LARP4B: variants seen among roughly 807,000 people sequenced by gnomAD.
The protein encoded by LARP4B is la-related protein 4B.
A neutral mutation model predicts 89.8 loss-of-function variants in LARP4B; 12 were observed. The ratio of observed to expected loss-of-function variants is 0.13; its 90% CI spans 0.09 to 0.22. The LOEUF (loss-of-function observed/expected upper bound fraction) is 0.22, where lower values mean the gene tolerates loss of function less well. LARP4B is among the 10% of genes least tolerant of loss of function. The pLI, the probability that LARP4B is intolerant of heterozygous loss-of-function variation, is 1.00. For synonymous variants in LARP4B, 367 were observed against 363.3 expected (o/e 1.01, Z -0.12); for missense variants, 757 against 947.7 (o/e 0.80, Z 2.64).
intron 8 of LARP4B, among the ~76,000 whole-genome samples, chr10:833,392 T>TA (rs1384674646): frequency 7.0e-6 from 1 of 143,582 alleles, no homozygotes; most frequent in African/African-American, 2.6e-5. Flanking sequence ...AAAGCACCAC[T>TA]AAAAAACAGA....
intron 5 of LARP4B, among the ~76,000 whole-genome samples, chr10:860,238 C>T (rs1022637844): frequency 5.9e-5 from 9 of 152,160 alleles, no homozygotes; most frequent in Non-Finnish European, 1.2e-4. Flanking sequence ...TGTTTGATAG[C>T]ATTAGTCCTT....
chr10:948,476 G>A, the LARP4B span, among the ~76,000 whole-genome samples: 1 of 152,206 alleles, frequency 6.6e-6, no homozygotes, highest in African/African-American at 2.4e-5. Context: ...TCGAACTCCT[G>A]ACCTTAGGTG....
At chr10:956,798 A>G in the LARP4B span, among the ~76,000 whole-genome samples, 5 of 152,190 alleles carry the variant, frequency 3.3e-5, no homozygotes, top group Non-Finnish European at 7.3e-5. This position sits in a 1 kb window ranked among gnomAD's most constrained non-coding sequence, Gnocchi z 4.3. Context: ...CCGAGAGGAA[A>G]GTCCCTCCAG....
At chr10:973,733 T>C in the LARP4B span, among the ~76,000 whole-genome samples, 1 of 152,296 alleles carries the variant, frequency 6.6e-6, no homozygotes, top group South Asian at 2.1e-4. Flanking sequence ...CATACAGTAT[T>C]GTCATTTGCA....
chr10:823,974 C>A (rs997700337), intron 13 of LARP4B, among the ~76,000 whole-genome samples: 1 of 152,168 alleles, frequency 6.6e-6, no homozygotes, highest in Non-Finnish European at 1.5e-5. Context: ...TCATTATGGG[C>A]AGGAATGAGA....
the LARP4B span, among the ~76,000 whole-genome samples, chr10:965,441 C>A: frequency 8.1e-4 from 123 of 152,268 alleles, no homozygotes; most frequent in African/African-American, 2.6e-3. Context: ...CGCTCCCCCC[C>A]GTTTCTCGGT....
At chr10:865,762 C>T (rs1834867559) in intron 3 of LARP4B, among the ~76,000 whole-genome samples, 1 of 152,210 alleles carries the variant, frequency 6.6e-6, no homozygotes, top group Non-Finnish European at 1.5e-5. Flanking sequence ...CAAACTTACA[C>T]ATGATTTGCC....
In LARP4B at chr10:863,762, C is replaced by T. The variant is rs61740529; in HGVS notation, c.411G>A (p.Leu137=). 65 of 1,609,914 alleles carry T rather than the reference C, an allele frequency of 4.0e-5. No homozygotes were observed. In the African/African-American group the frequency reaches 6.7e-4, roughly 17 times the overall value. Residue 137 remains leucine, a synonymous_variant, in exon 5 of 18, where the codon CTG becomes CTA. Transcript: ENST00000316157. ...LALGPSEYDS[L]PENSETGGNE... is the part of the protein sequence containing the mutation. ...GTTTACCTGTCTCGCTATTTTCAGGCAGAGAGTCATATTCTGAGGGACCCA... is the reference window on the plus strand; with the variant it reads ...GTTTACCTGTCTCGCTATTTTCAGGTAGAGAGTCATATTCTGAGGGACCCA...
At chr10:906,828 T>C (rs990677246) in intron 1 of LARP4B, among the ~76,000 whole-genome samples, 2 of 152,248 alleles carry the variant, frequency 1.3e-5, no homozygotes, top group African/African-American at 4.8e-5. Context: ...CTTTAACTTC[T>C]GCTCAAGTTT....
At chr10:930,886 G>A (rs569931707) in intron 1 of LARP4B, among the ~76,000 whole-genome samples, 2 of 151,542 alleles carry the variant, frequency 1.3e-5, no homozygotes, top group Admixed American at 6.6e-5. Flanking sequence ...CGGCGGGACC[G>A]AGGAGCGAGT....
intron 3 of LARP4B, among the ~76,000 whole-genome samples, chr10:882,694 A>G (rs990703047): frequency 1.3e-5 from 2 of 152,254 alleles, no homozygotes; most frequent in Non-Finnish European, 2.9e-5. Context: ...TTACTAGCTC[A>G]GTAAGCTTTT....
chr10:966,456 G>A, the LARP4B span, among the ~76,000 whole-genome samples: 4 of 152,154 alleles, frequency 2.6e-5, no homozygotes, highest in Non-Finnish European at 5.9e-5. Flanking sequence ...ACCCTGTCTC[G>A]ATAAACAGGA....
rs558910343 is a variant in LARP4B, at chr10:893,579, C to T, written c.-39-7819G>A. On this transcript the variant is annotated intron_variant, in intron 1 of 17. Coordinates refer to ENST00000316157, the MANE Select transcript of LARP4B (RefSeq NM_015155.3). ...GGACCTCATGCTGTACTTAGCTGTCCTTCCGTTGAGTCTCCTTTAAACTGC... is the reference window on the plus strand; with the variant it reads ...GGACCTCATGCTGTACTTAGCTGTCTTTCCGTTGAGTCTCCTTTAAACTGC... Among the ~76,000 whole-genome samples, 4 of 152,322 alleles carry T rather than the reference C, an allele frequency of 2.6e-5. No individual in the cohort carries two copies. In the South Asian group the frequency reaches 8.3e-4, roughly 32 times the overall value.
At chr10:940,006 C>T in the LARP4B span, among the ~76,000 whole-genome samples, 9 of 149,570 alleles carry the variant, frequency 6.0e-5, no homozygotes, top group South Asian at 2.1e-4. Flanking sequence ...CCACCACGCC[C>T]GGCTAATTTT....
chr10:951,355 C>G, the LARP4B span, among the ~76,000 whole-genome samples: 1 of 152,008 alleles, frequency 6.6e-6, no homozygotes, highest in Non-Finnish European at 1.5e-5. Flanking sequence ...TCGAGACCAG[C>G]CTGGCCAATA....
At chr10:915,956 T>C (rs755658464) in intron 1 of LARP4B, among the ~76,000 whole-genome samples, 1 of 152,198 alleles carries the variant, frequency 6.6e-6, no homozygotes, top group African/African-American at 2.4e-5. Flanking sequence ...TTTGACACAT[T>C]TCCCAAAATC....
At chr10:949,436 C>T in the LARP4B span, among the ~76,000 whole-genome samples, 3 of 151,408 alleles carry the variant, frequency 2.0e-5, no homozygotes, top group Non-Finnish European at 4.4e-5. Flanking sequence ...TCTTACATCC[C>T]ACCAGTCCCA....
At chr10:886,653 C>T (rs1002219707) in intron 1 of LARP4B, among the ~76,000 whole-genome samples, 3 of 152,140 alleles carry the variant, frequency 2.0e-5, no homozygotes, top group African/African-American at 7.2e-5. Flanking sequence ...AAGGAAACCC[C>T]GTCGTATGCT....
intron 7 of LARP4B, among the ~76,000 whole-genome samples, chr10:838,021 T>C (rs1833319398): frequency 6.6e-6 from 1 of 152,088 alleles, no homozygotes; most frequent in African/African-American, 2.4e-5. Context: ...ACATACATCA[T>C]TGACAATGTG....
Sources: allele counts gnomAD v4.1 joint callset (sites outside exome capture counted in the v4.1 genomes callset), GRCh38; gene constraint gnomAD v4.1.1; non-coding constraint Gnocchi (gnomAD v3.1); transcripts MANE v1.5; gene names NCBI Gene and HGNC (gene_info 2026-07-23, HGNC 2026-07-21).